FSIP1: variants seen among roughly 807,000 people sequenced by gnomAD.
FSIP1 encodes the protein fibrous sheath interacting protein 1.
FSIP1 carries 65 observed loss-of-function variants against 60.9 expected under a neutral mutation model. The observed-to-expected ratio is 1.07, with a 90% CI of 0.87 to 1.31. The LOEUF (loss-of-function observed/expected upper bound fraction) is 1.31, where lower values mean the gene tolerates loss of function less well. FSIP1 is among the 40% of genes most tolerant of loss of function. FSIP1 has a pLI of 0.00. For missense variants in FSIP1, 675 were observed against 665.5 expected, an observed-to-expected ratio of 1.01 and a Z score of -0.16; for synonymous variants, 209 against 221.2, an observed-to-expected ratio of 0.94 and a Z score of 0.49.
At chr15:39,764,088 G>A (rs1897597035) in intron 4 of FSIP1, among the ~76,000 whole-genome samples, 174 bp from the exon 5 acceptor site, 1 of 151,720 alleles carries the variant, frequency 6.6e-6, no homozygotes, top group African/African-American at 2.4e-5. Context: ...TTCTGTCAAT[G>A]GGTATTCCCA....
intron 10 of FSIP1, among the ~76,000 whole-genome samples, chr15:39,628,939 T>C (rs956594796): frequency 6.6e-6 from 1 of 152,172 alleles, no homozygotes; most frequent in Non-Finnish European, 1.5e-5. Context: ...GCGAGGACCA[T>C]GCCTGATGCA....
intron 9 of FSIP1, among the ~76,000 whole-genome samples, chr15:39,725,906 T>G (rs889572416): frequency 6.6e-6 from 1 of 151,830 alleles, no homozygotes; most frequent in Non-Finnish European, 1.5e-5. Flanking sequence ...TGTCTCAGCC[T>G]CTCGAGTAGC....
At chr15:39,646,670 T>A (rs1300687130) in intron 10 of FSIP1, among the ~76,000 whole-genome samples, 4 of 149,546 alleles carry the variant, frequency 2.7e-5, no homozygotes, top group Admixed American at 2.0e-4. Flanking sequence ...CATTCCAGCA[T>A]GGGATACAGA....
rs139172157 is a variant in FSIP1 at position 39,740,526 on chromosome 15, G to A, written c.656-737C>T. ...TCATTAAAGCTCTGAAAATATGCAC[G>A]AAGAAGGAATGTCTCCTTATACAAC... On this transcript the variant is annotated intron_variant, in intron 6 of 11. Coordinates refer to ENST00000350221, the MANE Select transcript of FSIP1 (RefSeq NM_152597.5). Among the ~76,000 whole-genome samples, 279 of 152,158 alleles carry A rather than the reference G, an allele frequency of 1.8e-3. 5 individuals are homozygous for A. Among genetic ancestry groups the A allele is most frequent in the Admixed American group, 0.016 (237 of 15,274 alleles).
intron 5 of FSIP1, among the ~76,000 whole-genome samples, chr15:39,744,835 TG>T (rs1896940185): frequency 6.9e-6 from 1 of 144,560 alleles, no homozygotes; most frequent in Non-Finnish European, 1.5e-5. Context: ...GGCCAGCCTG[TG>T]GCTTGAAGGA....
chr15:39,693,564 C>A lies in FSIP1; in HGVS notation c.1188+19880G>T, dbSNP rs185130172. 3.5e-3 allele frequency among the ~76,000 whole-genome samples: 533 copies of A among 152,284 alleles called. 3 individuals are homozygous for A. The highest frequency in any genetic ancestry group is 0.012 in the African/African-American group (509 of 41,550). ...CCAGAATAAGATTTAAGTATTTTAG[C>A]AATCTATTTAAGGTGGACTATATTA... On this transcript the variant is annotated intron_variant, in intron 10 of 11. Coordinates refer to ENST00000350221, the MANE Select transcript of FSIP1 (RefSeq NM_152597.5).
intron 10 of FSIP1, among the ~76,000 whole-genome samples, chr15:39,634,869 C>T (rs995746425): frequency 1.3e-5 from 2 of 152,086 alleles, no homozygotes; most frequent in African/African-American, 4.8e-5. Flanking sequence ...CCTATGAGCA[C>T]AATGTCACAA....
chr15:39,667,692 T>A (rs902581567), intron 10 of FSIP1, among the ~76,000 whole-genome samples: 2 of 151,962 alleles, frequency 1.3e-5, no homozygotes, highest in Non-Finnish European at 2.9e-5. Flanking sequence ...AGAGACCCAA[T>A]CTATTCCAGG....
At chr15:39,683,199 G>C (rs1359441596) in intron 10 of FSIP1, among the ~76,000 whole-genome samples, 1 of 152,102 alleles carries the variant, frequency 6.6e-6, no homozygotes, top group Non-Finnish European at 1.5e-5. Flanking sequence ...TCCCTTATTA[G>C]AGATTTCCAG....
intron 9 of FSIP1, among the ~76,000 whole-genome samples, chr15:39,723,222 A>G (rs1295970800): frequency 6.6e-6 from 1 of 152,180 alleles, no homozygotes; most frequent in East Asian, 1.9e-4. Context: ...GCAAAAGTCA[A>G]ATTTGAAGTG....
At chr15:39,631,319 CCA>C (rs1374084767) in intron 10 of FSIP1, among the ~76,000 whole-genome samples, 1 of 152,034 alleles carries the variant, frequency 6.6e-6, no homozygotes, top group African/African-American at 2.4e-5. Context: ...CGCGCACTCC[CCA>C]CATGACTTTG....
intron 11 of FSIP1, among the ~76,000 whole-genome samples, chr15:39,608,385 A>G (rs1890903289): frequency 6.6e-6 from 1 of 152,200 alleles, no homozygotes; most frequent in East Asian, 1.9e-4. Flanking sequence ...ACTCATGTTC[A>G]CATAAAAATA....
chr15:39,676,172 C>A (rs1200092793), intron 10 of FSIP1, among the ~76,000 whole-genome samples: 371 of 112,774 alleles, frequency 3.3e-3, no homozygotes, highest in Non-Finnish European at 3.5e-3. Flanking sequence ...GACTCCATCT[C>A]AAAAAAAAAA....
At position 39,716,407 on chromosome 15, in the gene FSIP1, G is replaced by C. The variant is rs1051530952; in HGVS notation, c.1051-2826C>G. On this transcript the variant is annotated intron_variant, in intron 9 of 11. Transcript: ENST00000350221. Reference sequence around the variant, plus strand: ...GTTGCTTAATCAAAACCACCACTGTGAAAATGAACAAACCACCAACTGAGA... The same window carrying C: ...GTTGCTTAATCAAAACCACCACTGTCAAAATGAACAAACCACCAACTGAGA... Among the ~76,000 whole-genome samples the C allele has an allele frequency of 2.6e-5, 4 of 152,130 alleles. 1 individual carries two copies. In the South Asian group the frequency reaches 8.3e-4, roughly 32 times the overall value.
In FSIP1 at chr15:39,693,968, T is replaced by A. The variant is rs530618761; in HGVS notation, c.1188+19476A>T. Among the ~76,000 whole-genome samples the A allele has an allele frequency of 2.6e-5, 4 of 152,336 alleles. No homozygotes were observed. In the South Asian group the frequency reaches 8.3e-4, roughly 32 times the overall value. On this transcript the variant is annotated intron_variant, in intron 10 of 11. Transcript: ENST00000350221. ...AAAAAAAAATGATAAGAAGGTGAAG[T>A]GATGGATATATATTTATCAGCTTGA...
chr15:39,775,480 T>C (rs1898023088), intron 2 of FSIP1, among the ~76,000 whole-genome samples: 1 of 142,490 alleles, frequency 7.0e-6, no homozygotes, highest in African/African-American at 2.5e-5. Context: ...TCTAGAAGTC[T>C]AGATATTTTA....
intron 3 of FSIP1, among the ~76,000 whole-genome samples, chr15:39,766,568 CTG>C (rs1039253266): frequency 6.6e-6 from 1 of 152,198 alleles, no homozygotes. Context: ...GGTCATATAA[CTG>C]GTAAATGCCA....
intron 10 of FSIP1, among the ~76,000 whole-genome samples, chr15:39,686,029 C>A (rs1595612894): frequency 6.6e-6 from 1 of 152,322 alleles, no homozygotes; most frequent in South Asian, 2.1e-4. Context: ...GTTAACAAAA[C>A]TAATTTCAAA....
At chr15:39,694,947 A>G (rs1290175269) in intron 10 of FSIP1, among the ~76,000 whole-genome samples, 2 of 152,206 alleles carry the variant, frequency 1.3e-5, no homozygotes, top group African/African-American at 4.8e-5. Flanking sequence ...TCAATCACAT[A>G]ATCTCTTTCT....
Sources: allele counts gnomAD v4.1 joint callset (sites outside exome capture counted in the v4.1 genomes callset), GRCh38; gene constraint gnomAD v4.1.1; transcripts MANE v1.5; gene names NCBI Gene and HGNC (gene_info 2026-07-23, HGNC 2026-07-21).